The following ADAMTS20 variants were observed in gnomAD, a reference collection of about 807,000 sequenced individuals.
ADAMTS20 encodes ADAM metallopeptidase with thrombospondin type 1 motif 20.
In ADAMTS20, 225 loss-of-function variants were observed where a neutral mutation model predicts 260.1. The ratio of observed to expected loss-of-function variants is 0.87; its 90% CI spans 0.78 to 0.97. The LOEUF is 0.97. ADAMTS20 is among the 50% of genes least tolerant of loss of function. The pLI is 0.00. For missense variants in ADAMTS20, 2,400 were observed against 2,337.7 expected (o/e 1.03, Z -0.55); for synonymous variants, 802 against 769.5 (o/e 1.04, Z -0.70).
At chr12:43,472,409 T>G (rs1235138354) in intron 7 of ADAMTS20, among the ~76,000 whole-genome samples, 1 of 140,360 alleles carries the variant, frequency 7.1e-6, no homozygotes, top group Non-Finnish European at 1.5e-5. Context: ...TGGAAAACAC[T>G]CTGCAGGATA....
chr12:43,413,009 C>T (rs1240264513), intron 28 of ADAMTS20, among the ~76,000 whole-genome samples: 2 of 151,840 alleles, frequency 1.3e-5, no homozygotes, highest in Non-Finnish European at 2.9e-5. Context: ...TGGGGTTTCA[C>T]CATGTTGGCC....
At chr12:43,539,266 T>TAA (rs781231170) in intron 2 of ADAMTS20, among the ~76,000 whole-genome samples, 39 of 152,266 alleles carry the variant, frequency 2.6e-4, no homozygotes, top group Admixed American at 1.4e-3. Context: ...TGAACATTCT[T>TAA]AAGTTATGGT....
intron 7 of ADAMTS20, among the ~76,000 whole-genome samples, chr12:43,472,860 C>T (rs1389480961): frequency 1.0e-4 from 15 of 148,702 alleles, no homozygotes; most frequent in African/African-American, 1.7e-4. Flanking sequence ...AAGGAACAAC[C>T]GGTACCAGCC....
In ADAMTS20 at chr12:43,471,311, C is replaced by A. The variant is rs529146735; in HGVS notation, c.1118-2606G>T. 3.2e-4 allele frequency among the ~76,000 whole-genome samples: 48 copies of A among 151,748 alleles called. 1 individual carries two copies. The South Asian group carries it at 0.01, about 32-fold the overall frequency. On this transcript the variant is annotated intron_variant, in intron 7 of 38. Coordinates refer to ENST00000389420, the MANE Select transcript of ADAMTS20 (RefSeq NM_025003.5). Reference sequence around the variant, plus strand: ...AACACGGCGCACCACGGGACTATATCCCACACCTGGCTCGGAGGGTCCTAC... The same window carrying A: ...AACACGGCGCACCACGGGACTATATACCACACCTGGCTCGGAGGGTCCTAC...
chr12:43,489,121 A>T (rs1942565041), intron 7 of ADAMTS20, among the ~76,000 whole-genome samples: 3 of 151,052 alleles, frequency 2.0e-5, no homozygotes. Context: ...GTCAAAAAAA[A>T]TTACCCCAAT....
At chr12:43,529,877 C>T (rs1037116274) in intron 3 of ADAMTS20, among the ~76,000 whole-genome samples, 7 of 152,044 alleles carry the variant, frequency 4.6e-5, no homozygotes, top group African/African-American at 1.7e-4. Flanking sequence ...GAAAAAAATA[C>T]CTTAGATAAT....
In ADAMTS20 at chr12:43,354,493, G is replaced by A. The variant is rs148483026; in HGVS notation, c.5644-195C>T. Among the ~76,000 whole-genome samples the A allele has an allele frequency of 6.4e-4, 98 of 152,144 alleles. 1 individual carries two copies. Among genetic ancestry groups the A allele is most frequent in the Middle Eastern group, 3.4e-3 (1 of 294 alleles). On this transcript the variant is annotated intron_variant, in intron 38 of 38. Transcript: ENST00000389420. ...ATTGGTGGACATGGGAAAGTTAAAG[G>A]ATATTAGATAACCTGAGATTCATAT...
chr12:43,424,801 T>C (rs1241072445), intron 28 of ADAMTS20, among the ~76,000 whole-genome samples: 1 of 151,812 alleles, frequency 6.6e-6, no homozygotes, highest in East Asian at 1.9e-4. Flanking sequence ...AGTAGTATGG[T>C]TCAAAGTTCA....
intron 37 of ADAMTS20, among the ~76,000 whole-genome samples, chr12:43,361,536 G>T (rs1939867939): frequency 6.6e-6 from 1 of 152,242 alleles, no homozygotes; most frequent in South Asian, 2.1e-4. Context: ...TTTATTGCCA[G>T]TTCTGCCTAT....
chr12:43,414,031 C>T (rs1375484450), intron 28 of ADAMTS20, among the ~76,000 whole-genome samples: 1 of 152,074 alleles, frequency 6.6e-6, no homozygotes, highest in African/African-American at 2.4e-5. Context: ...CTATTGGTGT[C>T]TAACACACAG....
chr12:43,427,594 T>A, intron 26 of ADAMTS20, 125 bp from the exon 27 acceptor site: 1 of 880,190 alleles, frequency 1.1e-6, no homozygotes, highest in Non-Finnish European at 1.6e-6. Context: ...TCTCCTTCAT[T>A]GGAATCACAA....
intron 26 of ADAMTS20, among the ~76,000 whole-genome samples, chr12:43,427,833 G>T (rs1270297289): frequency 6.6e-6 from 1 of 152,104 alleles, no homozygotes; most frequent in Non-Finnish European, 1.5e-5. Context: ...TTTGTATTAT[G>T]AATGTTATGT....
chr12:43,471,014 T>G (rs1471069812), intron 7 of ADAMTS20, among the ~76,000 whole-genome samples: 2 of 152,196 alleles, frequency 1.3e-5, no homozygotes, highest in East Asian at 3.9e-4. Context: ...AGCTCCGGTC[T>G]ACAGCTCCCA....
At chr12:43,489,320 C>A (rs568161232) in intron 7 of ADAMTS20, among the ~76,000 whole-genome samples, 1 of 148,158 alleles carries the variant, frequency 6.7e-6, no homozygotes, top group East Asian at 1.9e-4. Context: ...AACAAACCAA[C>A]AAACTGCTAA....
At chr12:43,420,933 G>C (rs34910310) in intron 28 of ADAMTS20, among the ~76,000 whole-genome samples, 1 of 149,814 alleles carries the variant, frequency 6.7e-6, no homozygotes, top group Non-Finnish European at 1.5e-5. Context: ...TCAGCCTCCA[G>C]AGTAGCTGGG....
chr12:43,496,405 C>G (rs1942678361), intron 4 of ADAMTS20, among the ~76,000 whole-genome samples: 1 of 152,206 alleles, frequency 6.6e-6, no homozygotes, highest in Non-Finnish European at 1.5e-5. Flanking sequence ...ACTACTTTAT[C>G]TGATCTTTAT....
chr12:43,383,947 G>A lies in ADAMTS20; in HGVS notation c.4483C>T (p.Gln1495Ter). ...TTCAGTCTGCAGTATACATCCCTCT[G>A]CTGAACTCCAGAGCCACAGGTCACA... ...CSVTCGSGVQ[Q>*]RDVYCRLKGV... The change falls in exon 30 of 39, where the codon CAG becomes TAG. Residue 1495 changes from glutamine to a stop codon, truncating the protein, a stop_gained. Transcript: ENST00000389420. LOFTEE classifies it high-confidence loss of function. The A allele has an allele frequency of 6.2e-7, 1 of 1,613,786 alleles. No homozygotes were observed. Among genetic ancestry groups the A allele is most frequent in the Non-Finnish European group, 8.5e-7 (1 of 1,179,814 alleles).
In ADAMTS20 at chr12:43,356,647, A is replaced by G. The variant is rs1435257048; in HGVS notation, c.5539-59T>C. On this transcript the variant is annotated intron_variant, in intron 37 of 38. Transcript: ENST00000389420. ...GAATTTACAAAATATTTGATTACAAATAAGTCTTCTCAATTGCAAGGGGCA... is the reference window on the plus strand; with the variant it reads ...GAATTTACAAAATATTTGATTACAAGTAAGTCTTCTCAATTGCAAGGGGCA... 42 of 1,288,732 alleles carry G rather than the reference A, an allele frequency of 3.3e-5. No homozygotes were observed. In the South Asian group the frequency reaches 4.0e-4, roughly 12 times the overall value. 79.8% of individuals were successfully genotyped at this position (1,288,732 alleles called of 1,614,324 possible). A position where few individuals can be genotyped will look rare whatever the true frequency, so the allele number is the denominator to read the frequency against.
chr12:43,497,143 T>A (rs78869346), intron 4 of ADAMTS20, among the ~76,000 whole-genome samples: 1 of 152,328 alleles, frequency 6.6e-6, no homozygotes, highest in African/African-American at 2.4e-5. Flanking sequence ...TAAATGTTAG[T>A]TTCCTTCACT....
Sources: gnomAD v4.1 joint callset for allele counts (sites outside exome capture counted in the v4.1 genomes callset) on GRCh38, gnomAD v4.1.1 for gene constraint, MANE v1.5 for transcripts, NCBI Gene and HGNC (gene_info 2026-07-23, HGNC 2026-07-21) for gene names.